SOX5: variants seen among roughly 807,000 people sequenced by gnomAD.
The protein encoded by SOX5 is SRY-box transcription factor 5, also known as transcription factor SOX-5.
SOX5 carries 9 observed loss-of-function variants against 92.0 expected under a neutral mutation model. The ratio of observed to expected loss-of-function variants is 0.10; its 90% CI spans 0.06 to 0.17. SOX5 has a LOEUF of 0.17. Among genes scored for constraint, SOX5 ranks in the 10% least tolerant of loss-of-function variants. The pLI, the probability that SOX5 is intolerant of heterozygous loss-of-function variation, is 1.00. For synonymous variants in SOX5, 344 were observed against 336.3 expected, an observed-to-expected ratio of 1.02 and a Z score of -0.25; for missense variants, 642 against 944.5, an observed-to-expected ratio of 0.68 and a Z score of 4.20.
At chr12:23,968,778 T>C (rs1389824865) in intron 4 of SOX5, among the ~76,000 whole-genome samples, 1 of 152,222 alleles carries the variant, frequency 6.6e-6, no homozygotes, top group East Asian at 1.9e-4. Flanking sequence ...CCCCTGCTTT[T>C]TATCCTACCT....
intron 2 of SOX5, among the ~76,000 whole-genome samples, chr12:24,343,033 T>C (rs191543636): frequency 1.3e-5 from 2 of 152,352 alleles, no homozygotes; most frequent in South Asian, 2.1e-4. Context: ...AAACTAGTAG[T>C]AACTCCTCAT....
intron 2 of SOX5, among the ~76,000 whole-genome samples, chr12:24,322,311 C>T (rs1331864514): frequency 1.3e-5 from 2 of 152,116 alleles, no homozygotes; most frequent in South Asian, 2.1e-4. Flanking sequence ...TGTACTTAAG[C>T]ACTCGCCTAA....
intron 1 of SOX5, among the ~76,000 whole-genome samples, chr12:24,534,552 T>C (rs922373019): frequency 2.0e-5 from 3 of 152,216 alleles, no homozygotes; most frequent in Admixed American, 6.5e-5. Context: ...TTTTTTCCAA[T>C]AGCCATTAAC....
At chr12:23,837,291 TTATATAATATATAAGA>T (rs2096439827) in intron 3 of SOX5, among the ~76,000 whole-genome samples, 3 of 102,106 alleles carry the variant, frequency 2.9e-5, no homozygotes, top group Admixed American at 1.6e-4. Flanking sequence ...ATATTTATAT[TTATATAATATATAAGA>T]TATATTTATA....
intron 10 of SOX5, among the ~76,000 whole-genome samples, chr12:23,567,464 A>ATTT (rs35620007): frequency 0.13 from 14,987 of 119,000 alleles, 1,118 homozygotes; most frequent in African/African-American, 0.14. Flanking sequence ...ATTTGATTTG[A>ATTT]TTTTTTTTTT....
At chr12:24,555,413 A>G (rs1953675509) in intron 1 of SOX5, among the ~76,000 whole-genome samples, 1 of 152,238 alleles carries the variant, frequency 6.6e-6, no homozygotes, top group Non-Finnish European at 1.5e-5. Context: ...TTAAATGATA[A>G]GCATTAAAGA....
chr12:23,593,082 AAT>A (rs138261271), intron 9 of SOX5, among the ~76,000 whole-genome samples: 95,872 of 150,998 alleles, frequency 0.63, 31,807 homozygotes, highest in Middle Eastern at 0.79. Context: ...CTGTCTCAAA[AAT>A]AAATAAATAA....
chr12:23,533,938 C>A lies in SOX5; in HGVS notation c.*281G>T. 3.7e-6 allele frequency: 1 copy of A among 271,892 alleles called. No homozygotes were observed. The highest frequency in any genetic ancestry group is 7.0e-6 in the Non-Finnish European group (1 of 143,620). 16.8% of individuals were successfully genotyped at this position (271,892 alleles called of 1,614,324 possible). On this transcript the variant is annotated 3_prime_UTR_variant, in exon 15 of 15. Coordinates refer to ENST00000451604, the MANE Select transcript of SOX5 (RefSeq NM_006940.6). ...AAAAAAAAAAAGTTGACGGGTAAGA[C>A]TTCAGTGCTTGGATGTAGCAGCTGA...
intron 3 of SOX5, among the ~76,000 whole-genome samples, chr12:24,213,975 A>C (rs1315173259): frequency 6.6e-6 from 1 of 151,752 alleles, no homozygotes; most frequent in Non-Finnish European, 1.5e-5. Flanking sequence ...ATGTAATATT[A>C]CTTAGAGCTA....
intron 1 of SOX5, among the ~76,000 whole-genome samples, chr12:24,414,740 C>T (rs573709599): frequency 1.3e-5 from 2 of 152,154 alleles, no homozygotes; most frequent in Non-Finnish European, 2.9e-5. Flanking sequence ...ACTCTTTAAC[C>T]AGACAGAACT....
chr12:23,902,778 T>C (rs1039488882), intron 1 of SOX5, among the ~76,000 whole-genome samples: 1 of 152,210 alleles, frequency 6.6e-6, no homozygotes, highest in Non-Finnish European at 1.5e-5. Flanking sequence ...ACTTTATGTG[T>C]ATGATAAAGT....
chr12:23,846,157 G>C lies in SOX5; in HGVS notation c.307C>G (p.Pro103Ala). The C allele has an allele frequency of 6.2e-7, 1 of 1,613,942 alleles. No individual in the cohort carries two copies. Among genetic ancestry groups the C allele is most frequent in the African/African-American group, 1.3e-5 (1 of 74,976 alleles). The change falls in exon 3 of 15, where the codon CCA (proline) becomes GCA (alanine). Residue 103 changes from proline to alanine, a missense_variant. Pro to Ala is a conservative substitution (Grantham distance 27, BLOSUM62 -1). Around this residue, in one of 8 missense-constraint regions of SOX5, gnomAD observed 29 missense variants for 47.4 expected, o/e 0.61. Coordinates refer to ENST00000451604, the MANE Select transcript of SOX5 (RefSeq NM_006940.6). The part of the protein sequence containing the change: ...DGNKVMSSFA[P>A]HNSSTSPQKA... ...TGAGGTGAGGTAGATGAGTTGTGTG[G>C]GGCAAATGAAGACATAACTTTATTG...
intron 4 of SOX5, among the ~76,000 whole-genome samples, chr12:24,136,047 A>G (rs1157052901): frequency 2.0e-5 from 3 of 152,220 alleles, no homozygotes; most frequent in Admixed American, 1.3e-4. Flanking sequence ...ATAGAAGTCT[A>G]TTTTAAATAG....
intron 6 of SOX5, among the ~76,000 whole-genome samples, chr12:23,713,504 T>C (rs918014494): frequency 6.6e-6 from 1 of 152,122 alleles, no homozygotes; most frequent in African/African-American, 2.4e-5. Context: ...ATGATACAGA[T>C]AATCTACATC....
chr12:23,868,662 T>A (rs1180127701), intron 2 of SOX5, among the ~76,000 whole-genome samples: 11 of 152,062 alleles, frequency 7.2e-5, no homozygotes. Flanking sequence ...CCAGCCAACA[T>A]CTTGGAGGGA....
intron 1 of SOX5, among the ~76,000 whole-genome samples, chr12:24,440,320 C>T (rs1419102561): frequency 6.6e-6 from 1 of 152,162 alleles, no homozygotes; most frequent in Non-Finnish European, 1.5e-5. Flanking sequence ...GGTTATCTTC[C>T]TCCTGACAGT....
chr12:24,060,642 T>C (rs1367872640), intron 4 of SOX5, among the ~76,000 whole-genome samples: 4 of 152,172 alleles, frequency 2.6e-5, no homozygotes, highest in African/African-American at 4.8e-5. Flanking sequence ...CATAGGACCA[T>C]ACCCTAGCCA....
At chr12:24,451,550 T>C (rs746429412) in intron 1 of SOX5, among the ~76,000 whole-genome samples, 73 of 152,218 alleles carry the variant, frequency 4.8e-4, no homozygotes, top group African/African-American at 6.3e-4. Context: ...TGATCAACGA[T>C]GTTGAACACC....
At chr12:24,095,124 C>CAGAGAGAG (rs1295495095) in intron 4 of SOX5, among the ~76,000 whole-genome samples, 1,234 of 104,934 alleles carry the variant, frequency 0.012, 8 homozygotes, top group Non-Finnish European at 0.016. Flanking sequence ...CACACACACA[C>CAGAGAGAG]ACACAGAGAG....
Sources: gnomAD v4.1 joint callset for allele counts (sites outside exome capture counted in the v4.1 genomes callset) on GRCh38, gnomAD v4.1.1 for gene constraint, gnomAD v4.1.1 regional missense constraint, MANE v1.5 for transcripts, NCBI Gene and HGNC (gene_info 2026-07-23, HGNC 2026-07-21) for gene names.